Variants in MIR2052HG observed in about 807,000 individuals in gnomAD.
The protein encoded by MIR2052HG is MIR2052 host gene.
intron 2 of MIR2052HG, among the ~76,000 whole-genome samples, chr8:74,679,454 A>G (rs927207918): frequency 6.6e-6 from 1 of 151,828 alleles, no homozygotes; most frequent in Non-Finnish European, 1.5e-5. Context: ...GTAGTAGTCC[A>G]TGGTGTATAT....
chr8:74,600,568 CAA>C (rs369774569), intron 1 of MIR2052HG, among the ~76,000 whole-genome samples: 1 of 119,160 alleles, frequency 8.4e-6, no homozygotes, highest in Non-Finnish European at 1.7e-5. Context: ...AACTCCCTCT[CAA>C]AAAAAAAAAG....
At chr8:74,733,370 T>A (rs1220543207) in intron 4 of MIR2052HG, among the ~76,000 whole-genome samples, 1 of 152,200 alleles carries the variant, frequency 6.6e-6, no homozygotes, top group Non-Finnish European at 1.5e-5. Context: ...CTGAGAATGA[T>A]GATTTCCAAT....
intron 2 of MIR2052HG, among the ~76,000 whole-genome samples, chr8:74,648,231 G>A (rs956216976): frequency 1.3e-4 from 20 of 152,098 alleles, no homozygotes; most frequent in African/African-American, 4.1e-4. Flanking sequence ...TTCCTGGGGG[G>A]AGGTCTATGA....
At position 74,605,922 on chromosome 8, in the gene MIR2052HG, A is replaced by C. The variant is rs534056084; in HGVS notation, n.128+6014A>C. 5.9e-5 allele frequency among the ~76,000 whole-genome samples: 9 copies of C among 152,332 alleles called. No individual in the cohort carries two copies. In the South Asian group the frequency reaches 1.9e-3, roughly 32 times the overall value. On this transcript the variant is annotated intron_variant and non_coding_transcript_variant, in intron 1 of 6. Coordinates refer to ENST00000523442, the Ensembl canonical transcript of MIR2052HG. ...AGAGAAAATGCCACACTTTGAGACA[A>C]ATTAAGAGTCTGTTGATTTAGCCGG...
intron 2 of MIR2052HG, among the ~76,000 whole-genome samples, chr8:74,693,133 G>A (rs556728795): frequency 4.6e-5 from 7 of 152,108 alleles, no homozygotes; most frequent in Non-Finnish European, 8.8e-5. Flanking sequence ...GCAACTCAAT[G>A]TTTCTATGTT....
intron 2 of MIR2052HG, among the ~76,000 whole-genome samples, chr8:74,677,803 C>T (rs1429009443): frequency 6.6e-6 from 1 of 151,884 alleles, no homozygotes; most frequent in African/African-American, 2.4e-5. Context: ...ATAGAATAAA[C>T]CCCAAAAGAA....
chr8:74,728,584 G>T (rs73687259), intron 4 of MIR2052HG, among the ~76,000 whole-genome samples: 2 of 152,136 alleles, frequency 1.3e-5, no homozygotes, highest in Non-Finnish European at 2.9e-5. Flanking sequence ...GTAATTCAGC[G>T]TGCTAAGGAT....
At chr8:74,730,326 C>G (rs571013827) in intron 4 of MIR2052HG, among the ~76,000 whole-genome samples, 8 of 152,282 alleles carry the variant, frequency 5.3e-5, no homozygotes, top group African/African-American at 1.7e-4. Flanking sequence ...GCTAAATTTT[C>G]TCTTTGCTAT....
chr8:74,649,364 T>C (rs1453526902), intron 2 of MIR2052HG, among the ~76,000 whole-genome samples: 1 of 152,078 alleles, frequency 6.6e-6, no homozygotes, highest in Non-Finnish European at 1.5e-5. Flanking sequence ...GCTATTAAAA[T>C]AGTTTAAAAA....
chr8:74,757,565 T>C (rs774451254), intron 5 of MIR2052HG: 7 of 152,228 alleles, frequency 4.6e-5, no homozygotes, highest in Non-Finnish European at 8.8e-5. Context: ...GAAACAATTT[T>C]GTGTCTTTTT....
chr8:74,606,735 A>G (rs1457167976), intron 1 of MIR2052HG, among the ~76,000 whole-genome samples: 1 of 152,200 alleles, frequency 6.6e-6, no homozygotes, highest in Non-Finnish European at 1.5e-5. Context: ...AGTAGGTACT[A>G]GGTTTGATAC....
intron 4 of MIR2052HG, among the ~76,000 whole-genome samples, chr8:74,731,438 T>C (rs1055565719): frequency 6.6e-6 from 1 of 152,142 alleles, no homozygotes; most frequent in Non-Finnish European, 1.5e-5. Context: ...ACCTAGGAAC[T>C]TGTGGAATGT....
chr8:74,735,585 A>G (rs142767949), intron 4 of MIR2052HG, among the ~76,000 whole-genome samples: 2 of 152,306 alleles, frequency 1.3e-5, no homozygotes, highest in Admixed American at 6.5e-5. Context: ...TGCAACAACA[A>G]TGTGAGGCTG....
intron 4 of MIR2052HG, among the ~76,000 whole-genome samples, chr8:74,735,486 G>C (rs1809736129): frequency 6.6e-6 from 1 of 152,182 alleles, no homozygotes; most frequent in African/African-American, 2.4e-5. Flanking sequence ...GCAGATACTA[G>C]AAGGACATGT....
chr8:74,616,552 T>G (rs1808285044), intron 2 of MIR2052HG, among the ~76,000 whole-genome samples: 1 of 151,966 alleles, frequency 6.6e-6, no homozygotes, highest in Non-Finnish European at 1.5e-5. Flanking sequence ...GGACGTTATG[T>G]TTATATAATT....
intron 4 of MIR2052HG, among the ~76,000 whole-genome samples, chr8:74,750,369 A>C (rs1809932193): frequency 6.6e-6 from 1 of 152,198 alleles, no homozygotes; most frequent in Non-Finnish European, 1.5e-5. Flanking sequence ...AAAGTGAAAA[A>C]TCTAATTTTT....
At chr8:74,653,044 A>G (rs541301545) in intron 2 of MIR2052HG, among the ~76,000 whole-genome samples, 1 of 152,344 alleles carries the variant, frequency 6.6e-6, no homozygotes, top group South Asian at 2.1e-4. Context: ...CTCTTTAGCT[A>G]TACCTAAACT....
intron 2 of MIR2052HG, among the ~76,000 whole-genome samples, chr8:74,637,803 A>G (rs1808598798): frequency 6.6e-6 from 1 of 152,138 alleles, no homozygotes; most frequent in African/African-American, 2.4e-5. Flanking sequence ...TTATCTTTCT[A>G]GCCTATCGCT....
chr8:74,672,031 A>G (rs999800237), intron 2 of MIR2052HG, among the ~76,000 whole-genome samples: 2 of 152,184 alleles, frequency 1.3e-5, no homozygotes, highest in Non-Finnish European at 2.9e-5. Context: ...CAGCATTATC[A>G]GTTTTTCTCT....
Sources: allele counts gnomAD v4.1 joint callset (sites outside exome capture counted in the v4.1 genomes callset), GRCh38; gene constraint gnomAD v4.1.1; transcripts MANE v1.5; gene names NCBI Gene and HGNC (gene_info 2026-07-23, HGNC 2026-07-21).